The following DMXL2 variants were observed in gnomAD, a reference collection of about 807,000 sequenced individuals.
The protein encoded by DMXL2 is dmX-like protein 2.
DMXL2 carries 103 observed loss-of-function variants against 331.1 expected under a neutral mutation model. The ratio of observed to expected loss-of-function variants is 0.31; its 90% CI spans 0.27 to 0.37. The LOEUF (loss-of-function observed/expected upper bound fraction) is 0.37. Ranked by LOEUF, DMXL2 falls within the 10% of genes least tolerant of loss-of-function variation. The pLI is 1.00. For synonymous variants in DMXL2, 1,281 were observed against 1,252.1 expected (o/e 1.02, Z -0.49); for missense variants, 3,171 against 3,642.9 (o/e 0.87, Z 3.33).
intron 4 of DMXL2, among the ~76,000 whole-genome samples, chr15:51,564,669 T>C (rs528270376): frequency 1.3e-5 from 2 of 152,132 alleles, no homozygotes; most frequent in African/African-American, 4.8e-5. Flanking sequence ...TCCTTATTAA[T>C]TGTGAATATA....
chr15:51,561,444 A>T (rs970851703), intron 6 of DMXL2, among the ~76,000 whole-genome samples: 4 of 152,168 alleles, frequency 2.6e-5, no homozygotes, highest in Non-Finnish European at 5.9e-5. Context: ...TTTGCTGCAG[A>T]CAGGGACACC....
rs369430710 is a variant in DMXL2, at chr15:51,476,586, C to T, written c.6964+3G>A. ...TTTTTTTTTTAATCATTTAAATTCTCACCAGGCCATTGAGCAGGAGATGAA... is the reference window on the plus strand; with the variant it reads ...TTTTTTTTTTAATCATTTAAATTCTTACCAGGCCATTGAGCAGGAGATGAA... On this transcript the variant is annotated splice_donor_region_variant and intron_variant, in intron 27 of 43. Transcript: ENST00000560891. The T allele has an allele frequency of 5.0e-6, 8 of 1,601,050 alleles. No individual in the cohort carries two copies. The African/African-American group carries it at 1.1e-4, about 22-fold the overall frequency.
At position 51,471,316 on chromosome 15, in the gene DMXL2, A is replaced by T; in HGVS notation, c.7299T>A (p.Asp2433Glu). The change falls in exon 29 of 44, where the codon GAT becomes GAA. Residue 2433 changes from aspartate (D) to glutamate (E), a missense_variant. By Grantham distance (45) the Asp-to-Glu change is conservative. Transcript: ENST00000560891. ...RMLVPGRPVKDATPPPVPAER... is the reference protein window; with the variant it reads ...RMLVPGRPVKEATPPPVPAER... ...CTGCAGGCACCGGTGGTGGGGTAGCATCTTTTACAGGCCTTCCAGGGACGA... is the reference window on the plus strand; with the variant it reads ...CTGCAGGCACCGGTGGTGGGGTAGCTTCTTTTACAGGCCTTCCAGGGACGA... 1 of 1,614,068 alleles carries T rather than the reference A, an allele frequency of 6.2e-7. No individual in the cohort carries two copies. Among genetic ancestry groups the T allele is most frequent in the Non-Finnish European group, 8.5e-7 (1 of 1,179,946 alleles).
chr15:51,589,681 T>C (rs1256237700), intron 1 of DMXL2, among the ~76,000 whole-genome samples: 1 of 152,234 alleles, frequency 6.6e-6, no homozygotes, highest in Non-Finnish European at 1.5e-5. Flanking sequence ...GAGCATTAGA[T>C]AGCTAAATGT....
chr15:51,494,927 T>C, intron 19 of DMXL2, 97 bp downstream of exon 19: 1 of 776,844 alleles, frequency 1.3e-6, no homozygotes, highest in Admixed American at 2.3e-5. Flanking sequence ...GGTGTGCACG[T>C]AATGACTTAC....
chr15:51,457,714 AG>A, intron 36 of DMXL2: 3 of 385,264 alleles, frequency 7.8e-6, no homozygotes, highest in Non-Finnish European at 1.4e-5. Flanking sequence ...TTGAAACAAA[AG>A]TTTGTTGTTA....
Position 51,488,077 on chromosome 15 carries a change from G to T in DMXL2, c.5094C>A (p.Asn1698Lys). ...CTTTTCGCCATCTATCTTCATTAAA[G>T]TTGTGGCTGAAAAATGTTGTCATTT... is the stretch of plus-strand genomic sequence containing the variant. Reference protein sequence around the residue: ...DEKMTTFFSHNFNEDRWRKAA... With the variant: ...DEKMTTFFSHKFNEDRWRKAA... The change falls in exon 22 of 44, where the codon AAC becomes AAA. Residue 1698 changes from asparagine to lysine, a missense_variant. Physicochemically the swap from Asn to Lys is moderately conservative, Grantham distance 94. This residue lies in a region of DMXL2 where 252 missense variants were observed against 387.4 expected (regional missense o/e 0.65). Coordinates refer to ENST00000560891, the MANE Select transcript of DMXL2 (RefSeq NM_001378457.1). 6.2e-7 allele frequency: 1 copy of T among 1,610,508 alleles called. No individual in the cohort carries two copies. The highest frequency in any genetic ancestry group is 8.5e-7 in the Non-Finnish European group (1 of 1,178,782).
chr15:51,622,033 C>A lies in DMXL2; in HGVS notation c.87+426G>T, dbSNP rs1271598252. Reference sequence around the variant, plus strand: ...CAGCATCGCCTCCACGCTCCGAGACCAACACCAAGTCTCTTCACCTCCACG... The same window carrying A: ...CAGCATCGCCTCCACGCTCCGAGACAAACACCAAGTCTCTTCACCTCCACG... On this transcript the variant is annotated intron_variant, in intron 1 of 43. Transcript: ENST00000560891. Among the ~76,000 whole-genome samples, 4 of 152,132 alleles carry A rather than the reference C, an allele frequency of 2.6e-5. No individual in the cohort carries two copies. In the East Asian group the frequency reaches 7.7e-4, roughly 29 times the overall value.
chr15:51,470,323 C>T lies in DMXL2; in HGVS notation c.7392+900G>A, dbSNP rs114153897. Among the ~76,000 whole-genome samples the T allele has an allele frequency of 3.4e-3, 523 of 152,134 alleles. 8 individuals carry two copies. The highest frequency in any genetic ancestry group is 0.012 in the African/African-American group (504 of 41,508). ...CGTTTTAAAATTTTTTTGGCAGAGA[C>T]ATGGTCTATGTTGTCCAGGCTGGTC... On this transcript the variant is annotated intron_variant, in intron 29 of 43. Transcript: ENST00000560891.
intron 2 of DMXL2, 147 bp downstream of exon 2, chr15:51,575,909 A>T: frequency 2.7e-6 from 2 of 752,012 alleles, no homozygotes; most frequent in Non-Finnish European, 4.3e-6. Flanking sequence ...CAATTTGTAT[A>T]AACCTATCAC....
chr15:51,464,857 T>C lies in DMXL2; in HGVS notation c.7626A>G (p.Pro2542=). The change falls in exon 32 of 44, where the codon CCA becomes CCG. Residue 2542 remains proline (P), a synonymous_variant. Coordinates refer to ENST00000560891, the MANE Select transcript of DMXL2 (RefSeq NM_001378457.1). ...AGTTTTTAATCACAGCAATACCTAA[T>C]GGTGATGTTACAGGCAGCTCTACAA... ...LEFSELPVTS[P]LGIAVIKNLE... 3 of 1,613,876 alleles carry C rather than the reference T, an allele frequency of 1.9e-6. No homozygotes were observed. The highest frequency in any genetic ancestry group is 1.7e-6 in the Non-Finnish European group (2 of 1,179,844).
At chr15:51,585,647 G>T (rs1200129285) in intron 1 of DMXL2, among the ~76,000 whole-genome samples, 1 of 152,156 alleles carries the variant, frequency 6.6e-6, no homozygotes, top group Non-Finnish European at 1.5e-5. Context: ...CTTCCAAAAA[G>T]ATTATAGCCC....
intron 14 of DMXL2, among the ~76,000 whole-genome samples, chr15:51,516,564 GGTCATGGTTTCTCTAAATGA>G (rs1461194676): frequency 1.3e-5 from 2 of 152,162 alleles, no homozygotes; most frequent in Admixed American, 6.5e-5. Flanking sequence ...TCAAGATCAA[GGTCATGGTTTCTCTAAATGA>G]ATCAAATTTC....
intron 1 of DMXL2, among the ~76,000 whole-genome samples, chr15:51,578,401 G>A (rs1377268770): frequency 6.6e-6 from 1 of 152,120 alleles, no homozygotes; most frequent in African/African-American, 2.4e-5. Flanking sequence ...CTCAGTCACT[G>A]AAAAGGCTTT....
chr15:51,478,336 A>C lies in DMXL2; in HGVS notation c.6768T>G (p.Leu2256=). 6.2e-7 allele frequency: 1 copy of C among 1,613,278 alleles called. No homozygotes were observed. Among genetic ancestry groups the C allele is most frequent in the Non-Finnish European group, 8.5e-7 (1 of 1,179,452 alleles). Residue 2256 remains leucine (L), a synonymous_variant, in exon 26 of 44, where the codon CTT becomes CTG. Transcript: ENST00000560891. ...CAGAAAGTGATGCTGCTAGTGAATGAAGTGTGTGCACCTAAAACCAAAACA... is the reference window on the plus strand; with the variant it reads ...CAGAAAGTGATGCTGCTAGTGAATGCAGTGTGTGCACCTAAAACCAAAACA... ...PSIEDVKVHT[L]HSLAASLSAS...
intron 31 of DMXL2, among the ~76,000 whole-genome samples, chr15:51,465,182 G>A (rs1264471962): frequency 1.3e-5 from 2 of 152,122 alleles, no homozygotes; most frequent in African/African-American, 4.8e-5. Flanking sequence ...GATCGTTTGA[G>A]CCCAGGAGTT....
chr15:51,554,470 T>C (rs926068986), intron 6 of DMXL2, among the ~76,000 whole-genome samples: 1 of 152,256 alleles, frequency 6.6e-6, no homozygotes. Context: ...ACATGAATTA[T>C]ATTATTTCTC....
At chr15:51,543,502 C>T (rs1425413387) in intron 8 of DMXL2, among the ~76,000 whole-genome samples, 1 of 152,276 alleles carries the variant, frequency 6.6e-6, no homozygotes, top group Non-Finnish European at 1.5e-5. Context: ...CATTAGAGAA[C>T]CCCTGGTCAA....
chr15:51,596,389 T>A (rs1180042471), intron 1 of DMXL2, among the ~76,000 whole-genome samples: 1 of 152,176 alleles, frequency 6.6e-6, no homozygotes, highest in African/African-American at 2.4e-5. Context: ...TCACACCAGT[T>A]AGAATGGCGA....
Sources: gnomAD v4.1 joint callset for allele counts (sites outside exome capture counted in the v4.1 genomes callset) on GRCh38, gnomAD v4.1.1 for gene constraint, gnomAD v4.1.1 regional missense constraint, MANE v1.5 for transcripts, NCBI Gene and HGNC (gene_info 2026-07-23, HGNC 2026-07-21) for gene names.